Variants in RBFOX1 observed in about 807,000 individuals in gnomAD.
The protein encoded by RBFOX1 is RNA binding fox-1 homolog 1.
In RBFOX1, 8 loss-of-function variants were observed where a neutral mutation model predicts 57.7. The observed-to-expected ratio is 0.14, with a 90% CI of 0.08 to 0.25. The LOEUF (loss-of-function observed/expected upper bound fraction) is 0.25, where lower values mean the gene tolerates loss of function less well. Among genes scored for constraint, RBFOX1 ranks in the 10% least tolerant of loss-of-function variants. RBFOX1 has a pLI of 1.00. For synonymous variants in RBFOX1, 326 were observed against 222.4 expected, an observed-to-expected ratio of 1.47 and a Z score of -4.15; for missense variants, 611 against 548.5, an observed-to-expected ratio of 1.11 and a Z score of -1.14.
intron 1 of RBFOX1, among the ~76,000 whole-genome samples, chr16:6,298,461 C>A (rs1235565964): frequency 1.3e-5 from 2 of 152,216 alleles, no homozygotes; most frequent in African/African-American, 2.4e-5. Context: ...ATTTATTTGA[C>A]AAAGTGTGCT....
chr16:6,800,281 C>T (rs917043631), intron 3 of RBFOX1, among the ~76,000 whole-genome samples: 6 of 150,710 alleles, frequency 4.0e-5, no homozygotes, highest in South Asian at 4.1e-4. Flanking sequence ...ACCCAGCACC[C>T]TGGAAACACC....
intron 9 of RBFOX1, among the ~76,000 whole-genome samples, chr16:7,600,732 AC>A (rs2094967347): frequency 1.3e-5 from 2 of 152,162 alleles, no homozygotes; most frequent in African/African-American, 4.8e-5. Context: ...ATCCAGAAAA[AC>A]TTTTAGCAGC....
chr16:6,940,434 C>G (rs1039012164), intron 3 of RBFOX1, among the ~76,000 whole-genome samples: 36 of 152,210 alleles, frequency 2.4e-4, no homozygotes, highest in African/African-American at 8.4e-4. Context: ...AATCTTCTCT[C>G]TGTCCACACA....
Position 7,066,454 on chromosome 16 carries a change from G to A in RBFOX1, c.27+14356G>A, listed in dbSNP as rs186537732. Among the ~76,000 whole-genome samples the A allele has an allele frequency of 1.8e-4, 27 of 152,248 alleles. 1 individual carries two copies. The East Asian group carries it at 4.8e-3, about 27-fold the overall frequency. ...GACCTAGCATTGAGGCCCAACCTTT[G>A]TAGGATCCAACTATGACAGGTGGAA... On this transcript the variant is annotated intron_variant, in intron 4 of 15. Transcript: ENST00000550418.
chr16:6,334,941 T>G (rs918924601), intron 2 of RBFOX1, among the ~76,000 whole-genome samples: 1 of 152,216 alleles, frequency 6.6e-6, no homozygotes, highest in African/African-American at 2.4e-5. Flanking sequence ...TAAGATGACC[T>G]GGTTTCATAT....
chr16:5,709,671 T>C (rs80131022), intron 3 of RBFOX1, among the ~76,000 whole-genome samples: 13,484 of 149,492 alleles, frequency 0.09, 2,068 homozygotes, highest in African/African-American at 0.31. Flanking sequence ...ATATTGTCTT[T>C]TTCATTCAGG....
intron 3 of RBFOX1, among the ~76,000 whole-genome samples, chr16:5,641,790 T>C (rs1380545502): frequency 6.6e-6 from 1 of 152,176 alleles, no homozygotes; most frequent in Non-Finnish European, 1.5e-5. Flanking sequence ...CCAGTGCATC[T>C]CAAACTGTAT....
chr16:6,294,063 T>C (rs978334847), intron 1 of RBFOX1, among the ~76,000 whole-genome samples: 1 of 151,630 alleles, frequency 6.6e-6, no homozygotes, highest in Non-Finnish European at 1.5e-5. Context: ...GAACCTGGAG[T>C]CCCAGCTACT....
At chr16:6,124,559 G>A (rs2096575184) in intron 1 of RBFOX1, among the ~76,000 whole-genome samples, 1 of 152,082 alleles carries the variant, frequency 6.6e-6, no homozygotes, top group South Asian at 2.1e-4. Flanking sequence ...CTGGGGTGCA[G>A]TGGCATAATC....
chr16:6,597,497 C>T (rs890297873), intron 2 of RBFOX1, among the ~76,000 whole-genome samples: 7 of 152,052 alleles, frequency 4.6e-5, no homozygotes, highest in African/African-American at 1.4e-4. Context: ...CATGGTGAAA[C>T]CCTGTCTCTA....
intron 4 of RBFOX1, among the ~76,000 whole-genome samples, chr16:7,486,204 C>T (rs1057396413): frequency 2.1e-5 from 3 of 140,360 alleles, no homozygotes; most frequent in African/African-American, 7.9e-5. Context: ...CTCGCTGCAA[C>T]CTCTGACTCC....
intron 3 of RBFOX1, among the ~76,000 whole-genome samples, chr16:6,673,959 AAAGG>A (rs1182241618): frequency 6.6e-6 from 1 of 152,202 alleles, no homozygotes; most frequent in Non-Finnish European, 1.5e-5. Context: ...CCTCCAGAAC[AAAGG>A]AAGGAGACTC....
chr16:7,681,857 A>T (rs1172729397), intron 14 of RBFOX1, among the ~76,000 whole-genome samples: 2 of 152,222 alleles, frequency 1.3e-5, no homozygotes, highest in South Asian at 4.2e-4. Context: ...CAAGTTTGAT[A>T]GGGATTGAAA....
intron 3 of RBFOX1, among the ~76,000 whole-genome samples, chr16:6,753,405 T>C (rs1490123132): frequency 6.6e-6 from 1 of 152,214 alleles, no homozygotes; most frequent in Non-Finnish European, 1.5e-5. Context: ...ATAAAAATTG[T>C]GTGCCTGCAT....
At chr16:5,638,118 A>T (rs2048744668) in intron 3 of RBFOX1, among the ~76,000 whole-genome samples, 1 of 152,228 alleles carries the variant, frequency 6.6e-6, no homozygotes, top group Non-Finnish European at 1.5e-5. Flanking sequence ...TCCCATTCAT[A>T]GATACAGTGC....
At chr16:6,571,503 G>C (rs762620230) in intron 2 of RBFOX1, among the ~76,000 whole-genome samples, 4 of 152,114 alleles carry the variant, frequency 2.6e-5, no homozygotes, top group African/African-American at 4.8e-5. Flanking sequence ...TTTTCTACTT[G>C]GGTGAAATAA....
At chr16:6,514,467 A>G (rs1484978054) in intron 2 of RBFOX1, among the ~76,000 whole-genome samples, 1 of 152,176 alleles carries the variant, frequency 6.6e-6, no homozygotes, top group Non-Finnish European at 1.5e-5. Flanking sequence ...CACTTACCTC[A>G]ACTAAATTAT....
chr16:7,147,388 T>C (rs2075237614), intron 4 of RBFOX1, among the ~76,000 whole-genome samples: 1 of 149,858 alleles, frequency 6.7e-6, no homozygotes, highest in African/African-American at 2.5e-5. Context: ...TGCATGTTCC[T>C]GAAGTTTGGT....
At chr16:6,977,100 A>G (rs1379162919) in intron 3 of RBFOX1, among the ~76,000 whole-genome samples, 2 of 145,612 alleles carry the variant, frequency 1.4e-5, no homozygotes, top group Non-Finnish European at 3.0e-5. Flanking sequence ...TTATATATAT[A>G]TCATATATAT....
Sources: gnomAD v4.1 joint callset for allele counts (sites outside exome capture counted in the v4.1 genomes callset) on GRCh38, gnomAD v4.1.1 for gene constraint, MANE v1.5 for transcripts, NCBI Gene and HGNC (gene_info 2026-07-23, HGNC 2026-07-21) for gene names.